OSBPL5: variants seen among roughly 807,000 people sequenced by gnomAD.
The protein encoded by OSBPL5 is oxysterol-binding protein-related protein 5.
In OSBPL5, 71 loss-of-function variants were observed where a neutral mutation model predicts 111.2. The ratio of observed to expected loss-of-function variants is 0.64; its 90% confidence interval spans 0.53 to 0.78. The LOEUF (loss-of-function observed/expected upper bound fraction) is 0.78. Ranked by LOEUF, OSBPL5 falls within the 30% of genes least tolerant of loss-of-function variation. OSBPL5 has a pLI of 0.00. For synonymous variants in OSBPL5, 549 were observed against 513.9 expected (o/e 1.07, Z -0.93); for missense variants, 1,210 against 1,189.3 (o/e 1.02, Z -0.26).
chr11:3,146,873 G>A lies in OSBPL5; in HGVS notation c.-21-17704C>T, dbSNP rs541195673. Reference sequence around the variant, plus strand: ...GAGCTGGCGTTTCTATTTATGATTCGCCTCTCACGCCCCTTCCCAGCACAC... The same window carrying A: ...GAGCTGGCGTTTCTATTTATGATTCACCTCTCACGCCCCTTCCCAGCACAC... On this transcript the variant is annotated intron_variant, in intron 1 of 21. Coordinates refer to ENST00000263650, the MANE Select transcript of OSBPL5 (RefSeq NM_020896.4). This position sits in a 1 kb window ranked among gnomAD's most constrained non-coding sequence, Gnocchi z 7.8. 1.1e-3 allele frequency among the ~76,000 whole-genome samples: 164 copies of A among 152,270 alleles called. No individual in the cohort carries two copies. Among genetic ancestry groups the A allele is most frequent in the Non-Finnish European group, 1.8e-3 (125 of 68,030 alleles).
rs544372246 is a variant in OSBPL5, at chr11:3,124,767, G to A, written c.219+1706C>T. On this transcript the variant is annotated intron_variant, in intron 3 of 21. Coordinates refer to ENST00000263650, the MANE Select transcript of OSBPL5 (RefSeq NM_020896.4). ...TTCTACCCTACTGCCCATTCACACC[G>A]GCAGCTGGGGGCTTAGCAAGCATCT... Among the ~76,000 whole-genome samples the A allele has an allele frequency of 1.7e-3, 259 of 152,248 alleles. No homozygotes were observed. In the South Asian group the frequency reaches 0.02, roughly 12 times the overall value.
At position 3,129,046 on chromosome 11, in the gene OSBPL5, T is replaced by A; in HGVS notation, c.103A>T (p.Ser35Cys). The change falls in exon 2 of 22, where the codon AGC (serine) becomes TGC (cysteine). Residue 35 changes from serine (S) to cysteine (C), a missense_variant. Transcript: ENST00000263650. ...AGTGGGTAGAGCTCATTGTCTCCGC[T>A]GAGGAGCAAGTTCCGGGTGAGCTTC... ...PRKLTRNLLL[S>C]GDNELYPLSP... The A allele has an allele frequency of 6.3e-7, 1 of 1,588,112 alleles. No individual in the cohort carries two copies. Among genetic ancestry groups the A allele is most frequent in the South Asian group, 1.1e-5 (1 of 88,338 alleles).
At chr11:3,143,094 G>A (rs1470268853) in intron 1 of OSBPL5, among the ~76,000 whole-genome samples, 4 of 88,794 alleles carry the variant, frequency 4.5e-5, no homozygotes, top group Non-Finnish European at 4.8e-5. Context: ...GGGGGGCAGA[G>A]GAGGCAGGTG....
At chr11:3,112,248 G>A (rs1327385046) in intron 7 of OSBPL5, among the ~76,000 whole-genome samples, 1 of 152,116 alleles carries the variant, frequency 6.6e-6, no homozygotes, top group African/African-American at 2.4e-5. Flanking sequence ...TCTGTTTCTT[G>A]ATTTACTTCT....
chr11:3,155,456 C>T (rs1456661601), intron 1 of OSBPL5, among the ~76,000 whole-genome samples: 2 of 150,656 alleles, frequency 1.3e-5, no homozygotes, highest in Non-Finnish European at 3.0e-5. Context: ...GCCACTCACC[C>T]TAGCTCTGCC....
intron 7 of OSBPL5, 58 bp from the exon 8 acceptor site, chr11:3,108,003 C>T: frequency 6.4e-7 from 1 of 1,564,980 alleles, no homozygotes; most frequent in Middle Eastern, 2.3e-4. Context: ...CCCGCATCCC[C>T]CAAGGGGCCA....
Position 3,126,508 on chromosome 11 carries a change from G to T in OSBPL5, c.184C>A (p.Pro62Thr). 2 of 1,609,774 alleles carry T rather than the reference G, an allele frequency of 1.2e-6. No homozygotes were observed. The highest frequency in any genetic ancestry group is 1.3e-5 in the African/African-American group (1 of 74,940). ...NGPSLPRDEG[P>T]PTPSSATKVP... ...TTCGTGGCAGAGCTTGGGGTCGGGG[G>T]CCCTTCATCCCTGGGCAGCGACGGG... The change falls in exon 3 of 22, where the codon CCC (proline) becomes ACC (threonine). Residue 62 changes from proline to threonine, a missense_variant. Pro to Thr is a conservative substitution (Grantham distance 38, BLOSUM62 -1). Transcript: ENST00000263650. This position sits in a 1 kb window ranked among gnomAD's most constrained non-coding sequence, Gnocchi z 6.5.
At chr11:3,134,417 C>T (rs899516020) in intron 1 of OSBPL5, among the ~76,000 whole-genome samples, 2 of 152,168 alleles carry the variant, frequency 1.3e-5, no homozygotes, top group African/African-American at 2.4e-5. Flanking sequence ...TTGGGCAGAC[C>T]TAGTGACTAG....
At chr11:3,101,509 C>A in intron 13 of OSBPL5, 94 bp downstream of exon 13, 3 of 1,175,046 alleles carry the variant, frequency 2.6e-6, no homozygotes, top group East Asian at 2.4e-5. Flanking sequence ...AGGCACATGG[C>A]CCCCATCCAG....
intron 1 of OSBPL5, among the ~76,000 whole-genome samples, chr11:3,153,444 A>G (rs953168530): frequency 6.6e-6 from 1 of 152,202 alleles, no homozygotes; most frequent in African/African-American, 2.4e-5. Context: ...CCATGGGAAT[A>G]AGCTGCTCTT....
chr11:3,152,352 T>C (rs778682594), intron 1 of OSBPL5, among the ~76,000 whole-genome samples: 14 of 152,208 alleles, frequency 9.2e-5, no homozygotes, highest in South Asian at 4.1e-4. Context: ...AAGAAGTGAG[T>C]TGATTTATTA....
intron 6 of OSBPL5, chr11:3,120,112 T>C (rs1005398333): frequency 3.5e-5 from 18 of 509,940 alleles, no homozygotes; most frequent in Non-Finnish European, 5.0e-5. Flanking sequence ...TTAGGAGGGG[T>C]GAGGGCTGGG....
At position 3,093,328 on chromosome 11, in the gene OSBPL5, G is replaced by A. The variant is rs906645768; in HGVS notation, c.1946+199C>T. 5.3e-5 allele frequency: 48 copies of A among 901,096 alleles called. No homozygotes were observed. In the Admixed American group the frequency reaches 6.7e-4, roughly 13 times the overall value. The allele number at this position is 901,096 out of a possible 1,614,324, so 55.8% of individuals were successfully genotyped here. A position where few individuals can be genotyped will look rare whatever the true frequency, so the allele number is the denominator to read the frequency against. The stretch of plus-strand genomic sequence containing the variant: ...GATGCAGTGAGAGGTCACGGCAGCC[G>A]GCTCCTCTCCAGGCCACACCCCTTC... On this transcript the variant is annotated intron_variant, in intron 17 of 21. Coordinates refer to ENST00000263650, the MANE Select transcript of OSBPL5 (RefSeq NM_020896.4).
rs1479970929 is a variant in OSBPL5 at position 3,110,692 on chromosome 11, T to C, written c.692-2747A>G. On this transcript the variant is annotated intron_variant, in intron 7 of 21. Transcript: ENST00000263650. This position sits in a 1 kb window ranked among gnomAD's most constrained non-coding sequence, Gnocchi z 5.3. ...CCCTCTGCTCACTGAGATAAATGCA[T>C]ATCTCATTGTCTCCTTTGGAGAAGC... Among the ~76,000 whole-genome samples the C allele has an allele frequency of 6.6e-6, 1 of 152,192 alleles. No homozygotes were observed. The highest frequency in any genetic ancestry group is 1.5e-5 in the Non-Finnish European group (1 of 68,044).
In OSBPL5 at chr11:3,106,517, G is replaced by A. The variant is rs1366736213; in HGVS notation, c.1059+746C>T. Among the ~76,000 whole-genome samples the A allele has an allele frequency of 3.9e-5, 6 of 152,070 alleles. No homozygotes were observed. The highest frequency in any genetic ancestry group is 2.1e-4 in the South Asian group (1 of 4,802). ...GACTCCCCTTCCTGAGGCGCCCCACGGTGCCCAGGGCCACGTGAGTTCTCT... is the reference window on the plus strand; with the variant it reads ...GACTCCCCTTCCTGAGGCGCCCCACAGTGCCCAGGGCCACGTGAGTTCTCT... On this transcript the variant is annotated intron_variant, in intron 9 of 21. Transcript: ENST00000263650. The surrounding 1 kb of genome is among the most constrained non-coding windows in gnomAD (Gnocchi z 8.4).
At chr11:3,136,150 G>C (rs1481887448) in intron 1 of OSBPL5, among the ~76,000 whole-genome samples, 22 of 152,176 alleles carry the variant, frequency 1.4e-4, no homozygotes. Context: ...CATGCTCTCT[G>C]ACCCCACGCC....
intron 5 of OSBPL5, 90 bp from the exon 6 acceptor site, chr11:3,120,714 C>A (rs1858378819): frequency 2.1e-6 from 3 of 1,443,580 alleles, no homozygotes; most frequent in Admixed American, 3.9e-5. Flanking sequence ...CAGGCACAGA[C>A]CAGGGTGGGC....
Position 3,114,996 on chromosome 11 carries a change from CCAGTTT to C in OSBPL5, c.691+4545_691+4550del, listed in dbSNP as rs1858162172. Among the ~76,000 whole-genome samples the C allele has an allele frequency of 3.3e-5, 5 of 152,196 alleles. No homozygotes were observed. In the South Asian group the frequency reaches 8.3e-4, roughly 25 times the overall value. On this transcript the variant is annotated intron_variant, in intron 7 of 21. Coordinates refer to ENST00000263650, the MANE Select transcript of OSBPL5 (RefSeq NM_020896.4). The stretch of plus-strand genomic sequence containing the variant: ...AAAGTTCAACTTTCATTGCATCTTG[CCAGTTT>C]CAGTTTTCTCTTCCCTCTTAAAAGG...
At chr11:3,096,198 C>T (rs550012607) in intron 14 of OSBPL5, among the ~76,000 whole-genome samples, 7 of 152,186 alleles carry the variant, frequency 4.6e-5, no homozygotes, top group Admixed American at 6.5e-5. Flanking sequence ...CCAACTGTCA[C>T]GTGTGTGGGG....
Sources: allele counts gnomAD v4.1 joint callset (sites outside exome capture counted in the v4.1 genomes callset), GRCh38; gene constraint gnomAD v4.1.1; non-coding constraint Gnocchi (gnomAD v3.1); transcripts MANE v1.5; gene names NCBI Gene and HGNC (gene_info 2026-07-23, HGNC 2026-07-21).